The following WDR27 variants were observed in gnomAD, a reference collection of about 807,000 sequenced individuals.
The protein encoded by WDR27 is WD repeat-containing protein 27.
In WDR27, 100 loss-of-function variants were observed where a neutral mutation model predicts 114.4. The observed-to-expected ratio is 0.87, with a 90% CI of 0.74 to 1.03. WDR27 has a LOEUF of 1.03. Among genes scored for constraint, WDR27 ranks in the 50% least tolerant of loss-of-function variants. WDR27 has a pLI of 0.00. For missense variants in WDR27, 1,129 were observed against 1,092.9 expected, an observed-to-expected ratio of 1.03 and a Z score of -0.47; for synonymous variants, 449 against 423.1, an observed-to-expected ratio of 1.06 and a Z score of -0.75.
intron 25 of WDR27, among the ~76,000 whole-genome samples, chr6:169,566,304 A>G (rs187063577): frequency 5.1e-4 from 78 of 152,360 alleles, no homozygotes; most frequent in African/African-American, 1.7e-3. Context: ...GTGGCTAGAC[A>G]GCAGCCCTGC....
chr6:169,441,405 T>G, the WDR27 span, among the ~76,000 whole-genome samples: 8 of 152,360 alleles, frequency 5.3e-5, 1 homozygote, highest in East Asian at 1.5e-3. Flanking sequence ...GAAGTTAACT[T>G]GTCCACCTAA....
intron 25 of WDR27, among the ~76,000 whole-genome samples, chr6:169,571,689 T>C (rs1236141111): frequency 6.6e-6 from 1 of 151,950 alleles, no homozygotes; most frequent in African/African-American, 2.4e-5. Flanking sequence ...AATAAATAAT[T>C]AGTCGGGGGT....
At chr6:169,533,951 A>G (rs1185591364) in intron 25 of WDR27, among the ~76,000 whole-genome samples, 1 of 152,168 alleles carries the variant, frequency 6.6e-6, no homozygotes, top group African/African-American at 2.4e-5. Flanking sequence ...AAGTGGTGAG[A>G]ATGAACATCC....
intron 25 of WDR27, among the ~76,000 whole-genome samples, chr6:169,566,783 T>C (rs1294176522): frequency 2.6e-5 from 4 of 152,124 alleles, no homozygotes; most frequent in Non-Finnish European, 5.9e-5. Flanking sequence ...ATTCGGACAG[T>C]ATCAGGACTG....
At chr6:169,566,976 G>T (rs1216181527) in intron 25 of WDR27, among the ~76,000 whole-genome samples, 1 of 152,186 alleles carries the variant, frequency 6.6e-6, no homozygotes, top group Non-Finnish European at 1.5e-5. Context: ...GCAGAGGGGA[G>T]GCATCCCACA....
At chr6:169,691,513 C>G (rs997205980) in intron 1 of WDR27, among the ~76,000 whole-genome samples, 2 of 152,104 alleles carry the variant, frequency 1.3e-5, no homozygotes, top group African/African-American at 4.8e-5. Flanking sequence ...CCTGCTGTCA[C>G]CAGATCCACT....
At chr6:169,464,188 T>C (rs542635229) in intron 25 of WDR27, among the ~76,000 whole-genome samples, 11 of 152,290 alleles carry the variant, frequency 7.2e-5, no homozygotes, top group African/African-American at 1.2e-4. Flanking sequence ...GATCGACCTA[T>C]AGACAAATGG....
At chr6:169,654,945 G>A (rs1823707572) in intron 13 of WDR27, among the ~76,000 whole-genome samples, 1 of 152,158 alleles carries the variant, frequency 6.6e-6, no homozygotes, top group Admixed American at 6.5e-5. Flanking sequence ...CAGGTATTCT[G>A]GGAAAGGAGG....
At chr6:169,466,635 C>T (rs1325459993) in intron 25 of WDR27, among the ~76,000 whole-genome samples, 2 of 152,016 alleles carry the variant, frequency 1.3e-5, no homozygotes, top group East Asian at 3.9e-4. Context: ...CCAAACCAAT[C>T]AAACAGCATG....
intron 25 of WDR27, among the ~76,000 whole-genome samples, chr6:169,461,360 T>G (rs1406865938): frequency 6.6e-6 from 1 of 152,140 alleles, no homozygotes; most frequent in Non-Finnish European, 1.5e-5. Flanking sequence ...AGATCATATG[T>G]TAAGCCACAA....
chr6:169,427,225 G>A, the WDR27 span, among the ~76,000 whole-genome samples: 1 of 152,180 alleles, frequency 6.6e-6, no homozygotes, highest in African/African-American at 2.4e-5. Context: ...CACTCTCTGG[G>A]AGAGCAAGTG....
the WDR27 span, among the ~76,000 whole-genome samples, chr6:169,436,607 A>T: frequency 6.6e-6 from 1 of 152,114 alleles, no homozygotes; most frequent in Non-Finnish European, 1.5e-5. Flanking sequence ...AAGTATGTGT[A>T]ATTGTTAAAA....
chr6:169,623,194 TGCG>T (rs893217438), intron 21 of WDR27, among the ~76,000 whole-genome samples: 3 of 152,134 alleles, frequency 2.0e-5, no homozygotes, highest in Non-Finnish European at 4.4e-5. Context: ...CAGCTGGTCG[TGCG>T]GCCCCCACCC....
intron 25 of WDR27, among the ~76,000 whole-genome samples, chr6:169,529,077 A>G (rs1795272151): frequency 6.6e-6 from 1 of 152,216 alleles, no homozygotes; most frequent in Non-Finnish European, 1.5e-5. Context: ...ATTGGAAGCT[A>G]CCTGAATGTA....
At chr6:169,482,534 C>G (rs1358330760) in intron 25 of WDR27, among the ~76,000 whole-genome samples, 1 of 152,160 alleles carries the variant, frequency 6.6e-6, no homozygotes, top group African/African-American at 2.4e-5. Context: ...GAGCACAAAG[C>G]AAGTTCTTAG....
At chr6:169,476,996 C>T (rs1007418737) in intron 25 of WDR27, among the ~76,000 whole-genome samples, 2 of 152,292 alleles carry the variant, frequency 1.3e-5, no homozygotes, top group East Asian at 1.9e-4. Context: ...TTTAACTAAA[C>T]AGATTCAGAT....
intron 21 of WDR27, among the ~76,000 whole-genome samples, chr6:169,626,192 G>T (rs1181612563): frequency 6.6e-6 from 1 of 152,182 alleles, no homozygotes; most frequent in Non-Finnish European, 1.5e-5. Flanking sequence ...GACAGCTGCT[G>T]GGGAGCAACT....
chr6:169,566,671 A>G (rs1800555117), intron 25 of WDR27, among the ~76,000 whole-genome samples: 1 of 152,150 alleles, frequency 6.6e-6, no homozygotes. Flanking sequence ...AACGTTAGAG[A>G]CTACTGGAGC....
chr6:169,586,988 T>C (rs1804770845), intron 23 of WDR27, among the ~76,000 whole-genome samples: 2 of 151,928 alleles, frequency 1.3e-5, no homozygotes, highest in South Asian at 2.1e-4. Context: ...TGGTGTTTTT[T>C]TCCCTCCAAG....
Sources: allele counts gnomAD v4.1 joint callset (sites outside exome capture counted in the v4.1 genomes callset), GRCh38; gene constraint gnomAD v4.1.1; transcripts MANE v1.5; gene names NCBI Gene and HGNC (gene_info 2026-07-23, HGNC 2026-07-21).